Variants in AMN1 observed in about 807,000 individuals in gnomAD.
AMN1 encodes the protein antagonist of mitotic exit network 1 homolog.
AMN1 carries 20 observed loss-of-function variants against 33.0 expected under a neutral mutation model. The observed-to-expected ratio is 0.61, with a 90% confidence interval of 0.43 to 0.88. The LOEUF is 0.88. AMN1 is among the 40% of genes least tolerant of loss of function. The pLI is 0.00. For missense variants in AMN1, 246 were observed against 307.4 expected (o/e 0.80, Z 1.49); for synonymous variants, 114 against 111.9 (o/e 1.02, Z -0.12).
At position 31,678,483 on chromosome 12, in the gene AMN1, G is replaced by A. The variant is rs1001328371; in HGVS notation, c.704-6106C>T. Among the ~76,000 whole-genome samples the A allele has an allele frequency of 4.0e-5, 6 of 151,468 alleles. No individual in the cohort carries two copies. The East Asian group carries it at 7.8e-4, about 20-fold the overall frequency. The stretch of plus-strand genomic sequence containing the variant: ...GTCATCTCAGCTCACTGCAACCTCC[G>A]TCTCCTGGGTTCAAGTGACTCTCCT... On this transcript the variant is annotated intron_variant, in intron 6 of 6. Transcript: ENST00000281471.
intron 1 of AMN1, among the ~76,000 whole-genome samples, chr12:31,710,551 TAC>T (rs112841301): frequency 0.24 from 35,629 of 147,352 alleles, 4,088 homozygotes; most frequent in East Asian, 0.29. Flanking sequence ...TCTGTTCTTG[TAC>T]ACACACACAC....
chr12:31,685,152 C>T (rs113553779), intron 6 of AMN1, among the ~76,000 whole-genome samples: 38 of 151,842 alleles, frequency 2.5e-4, no homozygotes, highest in African/African-American at 8.7e-4. Context: ...CCTCAGCCTC[C>T]CAAGTAGCTG....
chr12:31,712,316 C>T lies in AMN1; in HGVS notation c.39-2891G>A, dbSNP rs141805513. ...AGGCTAGAGTGCAGTGGTGCAATGTCGGCTCACTGCAACCTCTGCCACCCA... is the reference window on the plus strand; with the variant it reads ...AGGCTAGAGTGCAGTGGTGCAATGTTGGCTCACTGCAACCTCTGCCACCCA... On this transcript the variant is annotated intron_variant, in intron 1 of 6. Transcript: ENST00000281471. 7.3e-3 allele frequency among the ~76,000 whole-genome samples: 1,109 copies of T among 152,064 alleles called. 13 individuals carry two copies. The highest frequency in any genetic ancestry group is 0.025 in the African/African-American group (1,047 of 41,456).
At chr12:31,719,731 T>G (rs1390827822) in intron 1 of AMN1, among the ~76,000 whole-genome samples, 1 of 152,140 alleles carries the variant, frequency 6.6e-6, no homozygotes, top group Non-Finnish European at 1.5e-5. Context: ...GATCCTAAGA[T>G]CTAGCAATTC....
At chr12:31,693,826 G>A (rs1432666572) in intron 5 of AMN1, among the ~76,000 whole-genome samples, 3 of 151,936 alleles carry the variant, frequency 2.0e-5, no homozygotes, top group Admixed American at 2.0e-4. Flanking sequence ...ACAGGTGTGA[G>A]CCACCGCACC....
chr12:31,685,780 G>T (rs536388157), intron 6 of AMN1, among the ~76,000 whole-genome samples: 1 of 112,684 alleles, frequency 8.9e-6, no homozygotes, highest in Non-Finnish European at 1.7e-5. Flanking sequence ...CAGCCTGGGC[G>T]ACAGAGCAAG....
Position 31,685,201 on chromosome 12 carries a change from G to A in AMN1, c.703+3806C>T, listed in dbSNP as rs140298485. ...CCAGCCCCACACTCAACTAATTTTT[G>A]TATTTTTAGTAGACACAGGGTTTCA... On this transcript the variant is annotated intron_variant, in intron 6 of 6. Transcript: ENST00000281471. Among the ~76,000 whole-genome samples the A allele has an allele frequency of 2.1e-3, 317 of 151,826 alleles. 1 individual carries two copies. Among genetic ancestry groups the A allele is most frequent in the Middle Eastern group, 0.01 (3 of 292 alleles).
Position 31,672,288 on chromosome 12 carries a change from C to T in AMN1, c.*16G>A. ...TTTGATAAGCTTTCCTAGCATTGAT[C>T]ATCTTCAAAAAAGCATCAATAAACA... On this transcript the variant is annotated 3_prime_UTR_variant, in exon 7 of 7. Transcript: ENST00000281471. The T allele has an allele frequency of 1.3e-6, 2 of 1,553,766 alleles. No individual in the cohort carries two copies. The highest frequency in any genetic ancestry group is 1.7e-6 in the Non-Finnish European group (2 of 1,143,662).
chr12:31,705,368 G>C (rs186420403), intron 2 of AMN1, among the ~76,000 whole-genome samples: 76 of 152,110 alleles, frequency 5.0e-4, no homozygotes, highest in Non-Finnish European at 9.4e-4. Context: ...TGTGGTAGTG[G>C]GTGCCTGTAG....
chr12:31,671,320 T>A lies in AMN1; in HGVS notation c.*984A>T, dbSNP rs1165707096. 6.6e-6 allele frequency: 1 copy of A among 151,996 alleles called. No individual in the cohort carries two copies. The highest frequency in any genetic ancestry group is 2.4e-5 in the African/African-American group (1 of 41,374). 9.4% of individuals were successfully genotyped at this position (151,996 alleles called of 1,614,324 possible). On this transcript the variant is annotated 3_prime_UTR_variant, in exon 7 of 7. Transcript: ENST00000281471. ...AATCTTGTAAGGACAAGAAATGGAG[T>A]TGAATAAGTACCCCCCAACATATAC...
rs569038342 is a variant in AMN1 at position 31,689,042 on chromosome 12, C to G, written c.668G>C (p.Arg223Pro). The G allele has an allele frequency of 5.6e-6, 9 of 1,613,130 alleles. No homozygotes were observed. Among genetic ancestry groups the G allele is most frequent in the Non-Finnish European group, 6.8e-6 (8 of 1,179,540 alleles). ...GGGGCATCCATGGAAGAGTAATATACGTATTTGAGGACAGTAAGTAAGGAC... is the reference window on the plus strand; with the variant it reads ...GGGGCATCCATGGAAGAGTAATATAGGTATTTGAGGACAGTAAGTAAGGAC... ...EAVLTYCPQI[R>P]ILLFHGCPLI... The change falls in exon 6 of 7, where the codon CGT becomes CCT. Residue 223 changes from arginine to proline, a missense_variant. Physicochemically the swap from Arg to Pro is moderately radical, Grantham distance 103. Transcript: ENST00000281471.
intron 2 of AMN1, among the ~76,000 whole-genome samples, chr12:31,702,803 T>C (rs1453842952): frequency 3.3e-5 from 5 of 152,210 alleles, no homozygotes; most frequent in Non-Finnish European, 5.9e-5. Context: ...AATGGCGTGA[T>C]CTCGGCTCAC....
intron 1 of AMN1, among the ~76,000 whole-genome samples, chr12:31,728,073 C>T (rs988892680): frequency 3.3e-5 from 5 of 152,038 alleles, no homozygotes; most frequent in African/African-American, 1.2e-4. Context: ...GTTGCCCAGG[C>T]TGGTCTCGAA....
At chr12:31,691,823 G>C (rs1565768216) in intron 5 of AMN1, among the ~76,000 whole-genome samples, 1 of 152,308 alleles carries the variant, frequency 6.6e-6, no homozygotes, top group East Asian at 1.9e-4. Flanking sequence ...TCTGAAGGCA[G>C]AAAGGGAGAA....
At chr12:31,686,335 C>T (rs1592151823) in intron 6 of AMN1, among the ~76,000 whole-genome samples, 1 of 152,092 alleles carries the variant, frequency 6.6e-6, no homozygotes, top group Non-Finnish European at 1.5e-5. Context: ...ATCCCAGCTA[C>T]TTGGGAGGCT....
In AMN1 at chr12:31,672,290, TC is replaced by T; in HGVS notation, c.*13del. 6.4e-7 allele frequency: 1 copy of T among 1,556,956 alleles called. No homozygotes were observed. The highest frequency in any genetic ancestry group is 8.7e-7 in the Non-Finnish European group (1 of 1,146,044). ...TGATAAGCTTTCCTAGCATTGATCA[TC>T]TTCAAAAAAGCATCAATAAACAGTC... On this transcript the variant is annotated 3_prime_UTR_variant, in exon 7 of 7. Transcript: ENST00000281471.
chr12:31,672,250 C>T lies in AMN1; in HGVS notation c.*54G>A. On this transcript the variant is annotated 3_prime_UTR_variant, in exon 7 of 7. Transcript: ENST00000281471. ...AATGCAAATCTCTATAGATGGTTTC[C>T]TGGGAAAGTAGTTTTGATAAGCTTT... 8.1e-7 allele frequency: 1 copy of T among 1,237,860 alleles called. No individual in the cohort carries two copies. Among genetic ancestry groups the T allele is most frequent in the Non-Finnish European group, 1.2e-6 (1 of 863,868 alleles). The allele number at this position is 1,237,860 out of a possible 1,614,324, so 76.7% of individuals were successfully genotyped here.
chr12:31,704,351 A>G (rs10843998), intron 2 of AMN1, among the ~76,000 whole-genome samples: 43,144 of 151,870 alleles, frequency 0.28, 6,675 homozygotes, highest in Non-Finnish European at 0.36. Context: ...TTTTCCTCTG[A>G]GTATTTCCTG....
chr12:31,712,901 G>A (rs1211539584), intron 1 of AMN1, among the ~76,000 whole-genome samples: 5 of 149,732 alleles, frequency 3.3e-5, no homozygotes, highest in South Asian at 2.1e-4. Flanking sequence ...TGATCCACAC[G>A]CCTCGGCCTC....
Sources: gnomAD v4.1 joint callset for allele counts (sites outside exome capture counted in the v4.1 genomes callset) on GRCh38, gnomAD v4.1.1 for gene constraint, MANE v1.5 for transcripts, NCBI Gene and HGNC (gene_info 2026-07-23, HGNC 2026-07-21) for gene names.